KIF13B: variants seen among roughly 807,000 people sequenced by gnomAD.
KIF13B encodes the protein kinesin-like protein KIF13B.
A neutral mutation model predicts 222.0 loss-of-function variants in KIF13B; 127 were observed. The ratio of observed to expected loss-of-function variants is 0.57; its 90% CI spans 0.50 to 0.66. The LOEUF is 0.66. KIF13B is among the 30% of genes least tolerant of loss of function. The pLI, the probability that KIF13B is intolerant of heterozygous loss-of-function variation, is 0.00. For missense variants in KIF13B, 2,173 were observed against 2,379.0 expected (o/e 0.91, Z 1.80); for synonymous variants, 976 against 919.0 (o/e 1.06, Z -1.12).
chr8:29,194,057 CTCATGA>C (rs1813308795), intron 3 of KIF13B, among the ~76,000 whole-genome samples: 1 of 151,778 alleles, frequency 6.6e-6, no homozygotes, highest in Admixed American at 6.6e-5. Flanking sequence ...ATCTCCTGGC[CTCATGA>C]TCCGCTGGCC....
chr8:29,132,395 T>C lies in KIF13B; in HGVS notation c.2855A>G (p.Tyr952Cys). Reference sequence around the variant, plus strand: ...CCGGGGATCGTTTATTTTATGTCCATATACTTCAATTGCCAATGCTCCTTC... The same window carrying C: ...CCGGGGATCGTTTATTTTATGTCCACATACTTCAATTGCCAATGCTCCTTC... ...LSEGALAIEV[Y>C]GHKINDPRKN... is the part of the protein sequence containing the mutation. The change falls in exon 23 of 40, where the codon TAT becomes TGT. Residue 952 changes from tyrosine to cysteine, a missense_variant. Physicochemically the swap from Tyr to Cys is radical, Grantham distance 194 (BLOSUM62 -2). Around this residue, in one of 2 missense-constraint regions of KIF13B, gnomAD observed 1,480 missense variants for 1,722.8 expected, o/e 0.86. Transcript: ENST00000524189. 1 of 1,596,188 alleles carries C rather than the reference T, an allele frequency of 6.3e-7. No individual in the cohort carries two copies. The highest frequency in any genetic ancestry group is 8.5e-7 in the Non-Finnish European group (1 of 1,170,530).
In KIF13B at chr8:29,140,067, C is replaced by A; in HGVS notation, c.2609G>T (p.Cys870Phe). The change falls in exon 21 of 40, where the codon TGC becomes TTC. Residue 870 changes from cysteine to phenylalanine, a missense_variant. Transcript: ENST00000524189. Reference protein sequence around the residue: ...EKETQENKLVCMVKILQATGL... With the variant: ...EKETQENKLVFMVKILQATGL... Reference sequence around the variant, plus strand: ...TAGGATGAAGCTGGGACTTACCATGCACACCAGTTTGTTCTCCTGGGTCTC... The same window carrying A: ...TAGGATGAAGCTGGGACTTACCATGAACACCAGTTTGTTCTCCTGGGTCTC... The A allele has an allele frequency of 6.3e-7, 1 of 1,584,518 alleles. No homozygotes were observed. The highest frequency in any genetic ancestry group is 8.6e-7 in the Non-Finnish European group (1 of 1,165,592).
In KIF13B at chr8:29,176,173, G is replaced by A. The variant is rs767334744; in HGVS notation, c.840C>T (p.Leu280=). Residue 280 remains leucine (L), a synonymous_variant, in exon 10 of 40, where the codon CTC becomes CTT. Coordinates refer to ENST00000524189, the MANE Select transcript of KIF13B (RefSeq NM_015254.4). ...CTGAGATAACCAGACCGAGGGTTGT[G>A]AGGGACCTGCATGGTGCAACAAACC... ...LKEGSNINKS[L]TTLGLVISAL... is the part of the protein sequence containing the mutation. The A allele has an allele frequency of 1.9e-6, 3 of 1,602,850 alleles. No homozygotes were observed. Among genetic ancestry groups the A allele is most frequent in the South Asian group, 2.2e-5 (2 of 90,694 alleles).
chr8:29,180,664 C>T (rs1812674366), intron 7 of KIF13B, among the ~76,000 whole-genome samples: 1 of 152,180 alleles, frequency 6.6e-6, no homozygotes, highest in African/African-American at 2.4e-5. Flanking sequence ...TTCATACAGG[C>T]ATATCACCGA....
At position 29,191,008 on chromosome 8, in the gene KIF13B, T is replaced by C. The variant is rs1423800580; in HGVS notation, c.212A>G (p.Glu71Gly). 6.2e-7 allele frequency: 1 copy of C among 1,612,666 alleles called. No homozygotes were observed. Among genetic ancestry groups the C allele is most frequent in the African/African-American group, 1.3e-5 (1 of 74,876 alleles). ...CTGGATTCTATTACCTGCATACTTT[T>C]CTTTGACAGATTCATCCATAGACCA... ...CFWSMDESVK[E>G]KYAGQDIVFK... The change falls in exon 4 of 40, where the codon GAA becomes GGA. Residue 71 changes from glutamate to glycine, a missense_variant. By Grantham distance (98) the Glu-to-Gly change is moderately conservative. This residue lies in a region of KIF13B where 1,480 missense variants were observed against 1,722.8 expected (regional missense o/e 0.86). Coordinates refer to ENST00000524189, the MANE Select transcript of KIF13B (RefSeq NM_015254.4).
intron 2 of KIF13B, among the ~76,000 whole-genome samples, chr8:29,199,970 TAAATA>T (rs1224486015): frequency 6.6e-6 from 1 of 152,208 alleles, no homozygotes; most frequent in Non-Finnish European, 1.5e-5. Context: ...ATTTCAAGTT[TAAATA>T]AAATGTTTTT....
At chr8:29,177,162 G>A (rs1324772621) in intron 9 of KIF13B, among the ~76,000 whole-genome samples, 6 of 151,868 alleles carry the variant, frequency 4.0e-5, no homozygotes, top group Non-Finnish European at 7.4e-5. Flanking sequence ...AGCTACTATC[G>A]CCATCTAGTG....
chr8:29,081,669 T>C (rs1179872298), intron 37 of KIF13B, among the ~76,000 whole-genome samples: 5 of 152,228 alleles, frequency 3.3e-5, no homozygotes, highest in Non-Finnish European at 7.3e-5. Context: ...AAACAAATGT[T>C]ATTAAAATTA....
At chr8:29,217,542 T>C (rs780156448) in intron 2 of KIF13B, among the ~76,000 whole-genome samples, 1 of 152,238 alleles carries the variant, frequency 6.6e-6, no homozygotes, top group Non-Finnish European at 1.5e-5. Context: ...TGTTAGTGTC[T>C]TTATTATTTA....
At chr8:29,225,172 G>T (rs892068854) in intron 2 of KIF13B, among the ~76,000 whole-genome samples, 1 of 152,236 alleles carries the variant, frequency 6.6e-6, no homozygotes, top group African/African-American at 2.4e-5. Flanking sequence ...TAGCACGACA[G>T]TGTGGGAAGG....
At chr8:29,153,343 A>C (rs1212494083) in intron 14 of KIF13B, among the ~76,000 whole-genome samples, 1 of 152,194 alleles carries the variant, frequency 6.6e-6, no homozygotes, top group Non-Finnish European at 1.5e-5. Flanking sequence ...GAGAAATGAG[A>C]CCTATATTAA....
Position 29,114,678 on chromosome 8 carries a change from G to C in KIF13B, c.3838-1123C>G, listed in dbSNP as rs1294189026. On this transcript the variant is annotated intron_variant, in intron 31 of 39. Transcript: ENST00000524189. ...TTAGGAATGAAATATCTGAAATTGA[G>C]AGAGAAAATGGCATGCCTTAAAAAT... Among the ~76,000 whole-genome samples, 7 of 152,252 alleles carry C rather than the reference G, an allele frequency of 4.6e-5. No homozygotes were observed. The East Asian group carries it at 1.4e-3, about 29-fold the overall frequency.
intron 36 of KIF13B, among the ~76,000 whole-genome samples, chr8:29,093,165 T>C (rs1808376483): frequency 6.6e-6 from 1 of 152,216 alleles, no homozygotes; most frequent in Non-Finnish European, 1.5e-5. Context: ...CTGTCACTAA[T>C]TGGCACAAGC....
chr8:29,089,295 T>G (rs1808183492), intron 37 of KIF13B, among the ~76,000 whole-genome samples: 1 of 152,092 alleles, frequency 6.6e-6, no homozygotes, highest in South Asian at 2.1e-4. Flanking sequence ...AAAAGTTAGC[T>G]GGGCGTGATG....
intron 2 of KIF13B, among the ~76,000 whole-genome samples, chr8:29,196,411 C>T (rs1182150653): frequency 6.6e-6 from 1 of 152,162 alleles, no homozygotes; most frequent in African/African-American, 2.4e-5. Context: ...TAATCACAGA[C>T]AACTTGTATC....
intron 23 of KIF13B, among the ~76,000 whole-genome samples, 152 bp downstream of exon 23, chr8:29,132,156 G>T (rs140603184): frequency 5.3e-5 from 8 of 152,216 alleles, no homozygotes; most frequent in Non-Finnish European, 1.2e-4. Flanking sequence ...TGAGGCAAGA[G>T]AATTGCTTAC....
chr8:29,126,759 GT>G (rs778941419), intron 25 of KIF13B, among the ~76,000 whole-genome samples: 13 of 152,138 alleles, frequency 8.5e-5, no homozygotes, highest in Non-Finnish European at 1.9e-4. Flanking sequence ...TCCCTGCTGG[GT>G]TTATAGTCCC....
At chr8:29,083,087 C>G (rs1197203831) in intron 37 of KIF13B, among the ~76,000 whole-genome samples, 1 of 151,568 alleles carries the variant, frequency 6.6e-6, no homozygotes, top group Admixed American at 6.6e-5. Flanking sequence ...CATGATCACA[C>G]CACTGCACTC....
At chr8:29,159,185 C>G (rs1209820560) in intron 13 of KIF13B, among the ~76,000 whole-genome samples, 1 of 152,126 alleles carries the variant, frequency 6.6e-6, no homozygotes, top group Non-Finnish European at 1.5e-5. Context: ...GAGTCTTGCT[C>G]TGTTGCCCAG....
Sources: allele counts gnomAD v4.1 joint callset (sites outside exome capture counted in the v4.1 genomes callset), GRCh38; gene constraint gnomAD v4.1.1; regional missense constraint gnomAD v4.1.1; transcripts MANE v1.5; gene names NCBI Gene and HGNC (gene_info 2026-07-23, HGNC 2026-07-21).